IL1RAPL2: variants seen among roughly 807,000 people sequenced by gnomAD.
IL1RAPL2 encodes the protein X-linked interleukin-1 receptor accessory protein-like 2.
Under a neutral mutation model 44.1 loss-of-function variants are expected in IL1RAPL2, and 3 were observed. The ratio of observed to expected loss-of-function variants is 0.07; its 90% CI spans 0.03 to 0.18. The LOEUF is 0.18. IL1RAPL2 is among the 10% of genes least tolerant of loss of function. The probability of loss-of-function intolerance (pLI) is 1.00; values close to 1 mark genes in which losing one functional copy is unlikely to be tolerated. For missense variants in IL1RAPL2, 391 were observed against 496.4 expected (o/e 0.79, Z 2.02); for synonymous variants, 181 against 178.8 (o/e 1.01, Z -0.10).
At chrX:104,943,241 G>C (rs1381017395) in intron 2 of IL1RAPL2, among the ~76,000 whole-genome samples, 1 of 110,480 alleles carries the variant, frequency 9.1e-6, no homozygotes, top group African/African-American at 3.3e-5. Context: ...GATTCCCTTT[G>C]TGATCTTACC....
chrX:105,514,900 C>G (rs780790391), intron 6 of IL1RAPL2, among the ~76,000 whole-genome samples: 1 of 111,126 alleles, frequency 9.0e-6, no homozygotes, highest in Non-Finnish European at 1.9e-5. Flanking sequence ...TAGATCAAAT[C>G]AATTGAATCA....
chrX:104,585,304 T>TA (rs1190949387), intron 1 of IL1RAPL2, among the ~76,000 whole-genome samples: 1 of 22,187 alleles, frequency 4.5e-5, no homozygotes, highest in Non-Finnish European at 6.3e-5. Flanking sequence ...ATATATTATA[T>TA]ATTATATAAT....
chrX:104,620,898 G>A (rs1398928596), intron 1 of IL1RAPL2, among the ~76,000 whole-genome samples: 2 of 102,345 alleles, frequency 2.0e-5, no homozygotes, highest in East Asian at 2.9e-4. Flanking sequence ...CCATTTATAT[G>A]TATGTTCTAT....
chrX:105,013,084 A>G (rs1045431704), intron 2 of IL1RAPL2, among the ~76,000 whole-genome samples: 2 of 111,210 alleles, frequency 1.8e-5, no homozygotes, highest in African/African-American at 3.3e-5. Flanking sequence ...TGATATTCTT[A>G]TATTTGCTTT....
At chrX:105,476,254 A>G (rs769558311) in intron 5 of IL1RAPL2, among the ~76,000 whole-genome samples, 3 of 113,135 alleles carry the variant, frequency 2.7e-5, no homozygotes, top group South Asian at 3.6e-4. Flanking sequence ...TTTTAAAAGC[A>G]ATGTAATCCT....
At chrX:105,643,600 C>G (rs2037583868) in intron 6 of IL1RAPL2, among the ~76,000 whole-genome samples, 1 of 112,176 alleles carries the variant, frequency 8.9e-6, no homozygotes, top group Non-Finnish European at 1.9e-5. Context: ...CAGATGCAAG[C>G]TGATGGTCCC....
At chrX:105,291,731 A>G (rs1446030381) in intron 5 of IL1RAPL2, among the ~76,000 whole-genome samples, 2 of 111,151 alleles carry the variant, frequency 1.8e-5, no homozygotes, top group Non-Finnish European at 3.8e-5. Context: ...TGGATGTAAT[A>G]GTGATTCTAA....
chrX:105,726,422 GA>G (rs1287556471), intron 7 of IL1RAPL2, among the ~76,000 whole-genome samples: 2 of 111,450 alleles, frequency 1.8e-5, no homozygotes, highest in African/African-American at 3.3e-5. Flanking sequence ...TTGTACTCCA[GA>G]TTTAGACTAT....
chrX:105,080,535 G>A (rs1346700106), intron 2 of IL1RAPL2, among the ~76,000 whole-genome samples: 2 of 109,915 alleles, frequency 1.8e-5, no homozygotes, highest in Non-Finnish European at 3.8e-5. Context: ...TTGCAGATAT[G>A]TGGTGTTATT....
At chrX:105,267,617 CAA>C (rs2034413540) in intron 5 of IL1RAPL2, 76 bp downstream of exon 5, 8 of 773,122 alleles carry the variant, frequency 1.0e-5, no homozygotes, top group Middle Eastern at 4.5e-4. Context: ...GAGTTTTGTT[CAA>C]AGAGTCAACT....
chrX:105,003,351 A>G (rs1028085779), intron 2 of IL1RAPL2, among the ~76,000 whole-genome samples: 1 of 111,404 alleles, frequency 9.0e-6, no homozygotes, highest in East Asian at 2.8e-4. Context: ...CCCAAAATAC[A>G]GATGCTGAAT....
At chrX:105,412,245 A>G (rs1406767021) in intron 5 of IL1RAPL2, among the ~76,000 whole-genome samples, 1 of 108,873 alleles carries the variant, frequency 9.2e-6, no homozygotes, top group African/African-American at 3.3e-5. Flanking sequence ...CACTATTTAC[A>G]ATAGCCAAGA....
chrX:105,361,475 C>CA (rs1376117034), intron 5 of IL1RAPL2, among the ~76,000 whole-genome samples: 1 of 110,809 alleles, frequency 9.0e-6, no homozygotes, highest in Non-Finnish European at 1.9e-5. Flanking sequence ...ATATAATCCA[C>CA]AATACAAAAA....
intron 2 of IL1RAPL2, among the ~76,000 whole-genome samples, chrX:104,892,360 A>G (rs189815427): frequency 8.9e-6 from 1 of 112,065 alleles, no homozygotes; most frequent in Admixed American, 9.4e-5. Flanking sequence ...GAATCATTTC[A>G]GAAGGAATGG....
At chrX:104,897,222 G>A (rs1923679299) in intron 2 of IL1RAPL2, among the ~76,000 whole-genome samples, 1 of 112,100 alleles carries the variant, frequency 8.9e-6, no homozygotes, top group Non-Finnish European at 1.9e-5. Context: ...GAAGGCTCAA[G>A]AGAGCTGGAT....
chrX:104,890,409 C>G (rs1169094832), intron 2 of IL1RAPL2, among the ~76,000 whole-genome samples: 6 of 111,686 alleles, frequency 5.4e-5, no homozygotes, highest in Non-Finnish European at 1.1e-4. Context: ...TTTACAGTCC[C>G]ACCAACAGTG....
At chrX:104,615,329 G>T (rs1929248240) in intron 1 of IL1RAPL2, among the ~76,000 whole-genome samples, 1 of 110,859 alleles carries the variant, frequency 9.0e-6, no homozygotes, top group South Asian at 3.9e-4. Flanking sequence ...CATCACCTAG[G>T]TATTAAGCCT....
intron 2 of IL1RAPL2, among the ~76,000 whole-genome samples, chrX:104,934,110 T>A (rs1335586543): frequency 8.9e-6 from 1 of 112,050 alleles, no homozygotes; most frequent in Non-Finnish European, 1.9e-5. Flanking sequence ...GACTGTAAAA[T>A]GTAGGTGTTC....
At chrX:104,894,334 T>C (rs1923567851) in intron 2 of IL1RAPL2, among the ~76,000 whole-genome samples, 1 of 111,822 alleles carries the variant, frequency 8.9e-6, no homozygotes, top group African/African-American at 3.3e-5. Flanking sequence ...TTGGCCTGCC[T>C]TGCTAGGTTG....
Sources: gnomAD v4.1 joint callset for allele counts (sites outside exome capture counted in the v4.1 genomes callset) on GRCh38, gnomAD v4.1.1 for gene constraint, MANE v1.5 for transcripts, NCBI Gene and HGNC (gene_info 2026-07-23, HGNC 2026-07-21) for gene names.